Variants in CHP2 observed in about 807,000 individuals in gnomAD.
CHP2 encodes calcineurin B homologous protein 2.
In CHP2, 31 loss-of-function variants were observed where a neutral mutation model predicts 24.7. That is an observed-to-expected ratio of 1.26 (90% confidence interval 0.94 to 1.69). The LOEUF is 1.69. CHP2 is among the 40% of genes most tolerant of loss of function. The pLI is 0.00. For missense variants in CHP2, 319 were observed against 261.5 expected (o/e 1.22, Z -1.52); for synonymous variants, 97 against 99.1 (o/e 0.98, Z 0.13).
chr16:23,757,068 TG>T, intron 5 of CHP2, 132 bp from the exon 6 acceptor site: 1 of 1,001,358 alleles, frequency 1.0e-6, no homozygotes, highest in Non-Finnish European at 1.5e-6. Context: ...TTGGGGGATA[TG>T]GTGAAAAATG....
intron 6 of CHP2, 67 bp downstream of exon 6, chr16:23,757,390 G>A (rs940729911): frequency 6.3e-6 from 10 of 1,591,814 alleles, no homozygotes; most frequent in East Asian, 2.2e-5. Context: ...CTTGGGAAAC[G>A]TTCAACGGAG....
intron 1 of CHP2, 175 bp from the exon 2 acceptor site, chr16:23,755,486 G>C: frequency 4.8e-6 from 3 of 630,380 alleles, no homozygotes; most frequent in South Asian, 1.8e-5. Context: ...CTGGATCTTC[G>C]CGGGGTCGTG....
Position 23,757,207 on chromosome 16 carries a change from C to A in CHP2, c.421C>A (p.Arg141Ser). Reference sequence around the variant, plus strand: ...CTCTTCACTCATCTCTCAGGTTCTCCGTCTGATGGTTGGGGTACAGGTGAC... The same window carrying A: ...CTCTTCACTCATCTCTCAGGTTCTCAGTCTGATGGTTGGGGTACAGGTGAC... ...ISRHEMLQVL[R>S]LMVGVQVTEE... The change falls in exon 6 of 7, where the codon CGT (arginine) becomes AGT (serine). Residue 141 changes from arginine (R) to serine (S), a missense_variant. Physicochemically the swap from Arg to Ser is moderately radical, Grantham distance 110. Coordinates refer to ENST00000300113, the MANE Select transcript of CHP2 (RefSeq NM_022097.4). 1 of 1,613,990 alleles carries A rather than the reference C, an allele frequency of 6.2e-7. No individual in the cohort carries two copies. The highest frequency in any genetic ancestry group is 8.5e-7 in the Non-Finnish European group (1 of 1,180,006).
rs1308004716 is a variant in CHP2 at position 23,758,594 on chromosome 16, C to G, written c.*1011C>G. 2 of 152,194 alleles carry G rather than the reference C, an allele frequency of 1.3e-5. No individual in the cohort carries two copies. The highest frequency in any genetic ancestry group is 2.9e-5 in the Non-Finnish European group (2 of 68,058). 9.4% of individuals were successfully genotyped at this position (152,194 alleles called of 1,614,324 possible). On this transcript the variant is annotated 3_prime_UTR_variant, in exon 7 of 7. Transcript: ENST00000300113. ...AATTCCAAGTGGAGAGTGTCATTGA[C>G]CCGTTTGGGGTCTCATCTCTACTTC...
chr16:23,756,327 G>GA, intron 4 of CHP2, 61 bp from the exon 5 acceptor site: 3 of 1,589,998 alleles, frequency 1.9e-6, no homozygotes, highest in Non-Finnish European at 2.6e-6. Flanking sequence ...GAAGGAAGGT[G>GA]GCTGCTGGAA....
At chr16:23,756,260 A>T in intron 4 of CHP2, 67 bp downstream of exon 4, 2 of 1,601,898 alleles carry the variant, frequency 1.2e-6, no homozygotes, top group Admixed American at 1.7e-5. Flanking sequence ...GGCTCCAGGG[A>T]TCTCCCACTC....
intron 4 of CHP2, 74 bp downstream of exon 4, chr16:23,756,267 A>G: frequency 6.3e-7 from 1 of 1,595,038 alleles, no homozygotes; most frequent in East Asian, 2.2e-5. Context: ...GGGATCTCCC[A>G]CTCCCTTCCT....
At chr16:23,756,554 T>C (rs1961228860) in intron 5 of CHP2, 105 bp downstream of exon 5, 6 of 974,890 alleles carry the variant, frequency 6.2e-6, no homozygotes, top group Non-Finnish European at 9.6e-6. Context: ...GGGGCGCAGA[T>C]AATTGGGGTA....
Position 23,756,117 on chromosome 16 carries a change from T to A in CHP2, c.276T>A (p.Pro92=). 1 of 1,614,146 alleles carries A rather than the reference T, an allele frequency of 6.2e-7. No individual in the cohort carries two copies. The highest frequency in any genetic ancestry group is 1.3e-5 in the African/African-American group (1 of 75,032). ...GFVRVLAHFR[P]VEDEDTETQD... The stretch of plus-strand genomic sequence containing the variant: ...TCAGGGTCTTGGCTCATTTTCGCCC[T>A]GTAGAAGATGAGGACACAGAAACCC... Residue 92 remains proline (P), a synonymous_variant, in exon 4 of 7, where the codon CCT becomes CCA. Coordinates refer to ENST00000300113, the MANE Select transcript of CHP2 (RefSeq NM_022097.4).
intron 5 of CHP2, 107 bp downstream of exon 5, chr16:23,756,556 A>G: frequency 1.1e-6 from 1 of 950,066 alleles, no homozygotes; most frequent in Non-Finnish European, 1.7e-6. Flanking sequence ...GGCGCAGATA[A>G]TTGGGGTATT....
chr16:23,757,143 T>C (rs1961236283), intron 5 of CHP2, 58 bp from the exon 6 acceptor site: 2 of 1,605,734 alleles, frequency 1.2e-6, no homozygotes, highest in East Asian at 2.2e-5. Flanking sequence ...GTTTAGGAGA[T>C]GGGGAGTTGC....
In CHP2 at chr16:23,755,922, C is replaced by G. The variant is rs201772533; in HGVS notation, c.216C>G (p.Pro72=). Reference sequence around the variant, plus strand: ...ACCGAATTATAGAAAGCTTCTTCCCCGATGGGTGAGGCTTGCTGGGCGTGG... The same window carrying G: ...ACCGAATTATAGAAAGCTTCTTCCCGGATGGGTGAGGCTTGCTGGGCGTGG... ...LGDRIIESFF[P]DGSQRVDFPG... is the part of the protein sequence containing the mutation. Residue 72 remains proline, a synonymous_variant, in exon 3 of 7, where the codon CCC becomes CCG. Transcript: ENST00000300113. 4.3e-6 allele frequency: 7 copies of G among 1,614,112 alleles called. No individual in the cohort carries two copies. In the East Asian group the frequency reaches 1.1e-4, roughly 26 times the overall value.
In CHP2 at chr16:23,755,722, G is replaced by C. The variant is rs540440378; in HGVS notation, c.129G>C (p.Lys43Asn). ...HRFRALDRNK[K>N]GYLSRMDLQQ... ...TCCGGGCACTGGACAGGAATAAGAA[G>C]GGCTACCTGAGGTGAGGGGGAGCCG... is the stretch of plus-strand genomic sequence containing the variant. The change falls in exon 2 of 7, where the codon AAG (lysine) becomes AAC (asparagine). Residue 43 changes from lysine to asparagine, a missense_variant. Physicochemically the swap from Lys to Asn is moderately conservative, Grantham distance 94. Transcript: ENST00000300113. 6.2e-7 allele frequency: 1 copy of C among 1,614,202 alleles called. No individual in the cohort carries two copies. Among genetic ancestry groups the C allele is most frequent in the South Asian group, 1.1e-5 (1 of 91,086 alleles).
At chr16:23,755,283 G>A in intron 1 of CHP2, 167 bp downstream of exon 1, 1 of 608,554 alleles carries the variant, frequency 1.6e-6, no homozygotes, top group Non-Finnish European at 2.9e-6. Flanking sequence ...TGGGTTAGGG[G>A]CGGGTTAACC....
intron 5 of CHP2, 53 bp downstream of exon 5, chr16:23,756,502 A>C: frequency 6.8e-7 from 1 of 1,467,944 alleles, no homozygotes. Flanking sequence ...GGGATGGTTA[A>C]ATGCAATGGT....
In CHP2 at chr16:23,757,588, G is replaced by C; in HGVS notation, c.*5G>C. On this transcript the variant is annotated 3_prime_UTR_variant, in exon 7 of 7. Coordinates refer to ENST00000300113, the MANE Select transcript of CHP2 (RefSeq NM_022097.4). Reference sequence around the variant, plus strand: ...AGCATCCGGATCCTGAAGTGACTCCGTTTGTGCCTTGGGCTTGCTCCTGCA... The same window carrying C: ...AGCATCCGGATCCTGAAGTGACTCCCTTTGTGCCTTGGGCTTGCTCCTGCA... 6.2e-7 allele frequency: 1 copy of C among 1,613,774 alleles called. No individual in the cohort carries two copies. Among genetic ancestry groups the C allele is most frequent in the Non-Finnish European group, 8.5e-7 (1 of 1,179,700 alleles).
At chr16:23,755,202 G>C (rs1961205170) in intron 1 of CHP2, 86 bp downstream of exon 1, 1 of 992,750 alleles carries the variant, frequency 1.0e-6, no homozygotes, top group East Asian at 2.6e-5. Flanking sequence ...TTGAAGGATG[G>C]ACGAACTTAC....
Position 23,755,130 on chromosome 16 carries a change from C to A in CHP2, c.67+14C>A. The stretch of plus-strand genomic sequence containing the variant: ...GAGAGACCGGCTGTGAGTGCGCCCG[C>A]GTCGGCGGCTGCGGAGGGGACGGGG... On this transcript the variant is annotated intron_variant, in intron 1 of 6. Coordinates refer to ENST00000300113, the MANE Select transcript of CHP2 (RefSeq NM_022097.4). 6.3e-7 allele frequency: 1 copy of A among 1,592,338 alleles called. No homozygotes were observed.
chr16:23,757,133 G>A (rs1567268323), intron 5 of CHP2, 68 bp from the exon 6 acceptor site: 1 of 1,594,938 alleles, frequency 6.3e-7, no homozygotes, highest in East Asian at 2.2e-5. Context: ...GGTGGGCAAG[G>A]TTTAGGAGAT....
Sources: allele counts gnomAD v4.1 joint callset, GRCh38; gene constraint gnomAD v4.1.1; transcripts MANE v1.5; gene names NCBI Gene and HGNC (gene_info 2026-07-23, HGNC 2026-07-21).